PARD3B: variants seen among roughly 807,000 people sequenced by gnomAD.
PARD3B encodes the protein par-3 family cell polarity regulator beta.
A neutral mutation model predicts 130.2 loss-of-function variants in PARD3B; 103 were observed. The ratio of observed to expected loss-of-function variants is 0.79; its 90% confidence interval spans 0.67 to 0.93. The LOEUF (loss-of-function observed/expected upper bound fraction) is 0.93, where lower values mean the gene tolerates loss of function less well. PARD3B is among the 40% of genes least tolerant of loss of function. The pLI, the probability that PARD3B is intolerant of heterozygous loss-of-function variation, is 0.00. For missense variants in PARD3B, 1,609 were observed against 1,499.2 expected (o/e 1.07, Z -1.21); for synonymous variants, 583 against 553.2 (o/e 1.05, Z -0.76).
intron 18 of PARD3B, among the ~76,000 whole-genome samples, chr2:205,324,694 C>T (rs2042878344): frequency 6.6e-6 from 1 of 152,162 alleles, no homozygotes; most frequent in South Asian, 2.1e-4. Flanking sequence ...CCTAGCTATT[C>T]ATCTTATTAA....
At chr2:205,191,361 T>C (rs1433139043) in intron 14 of PARD3B, among the ~76,000 whole-genome samples, 2 of 152,140 alleles carry the variant, frequency 1.3e-5, no homozygotes, top group Admixed American at 1.3e-4. Context: ...ATGAGGAAAC[T>C]GAGGCCACTC....
intron 1 of PARD3B, among the ~76,000 whole-genome samples, chr2:204,547,363 AT>A (rs2030058066): frequency 6.6e-6 from 1 of 152,184 alleles, no homozygotes; most frequent in African/African-American, 2.4e-5. Flanking sequence ...GTCTATTAAT[AT>A]ATTAAATATA....
At chr2:205,603,376 C>T (rs142833222) in intron 22 of PARD3B, among the ~76,000 whole-genome samples, 17 of 152,246 alleles carry the variant, frequency 1.1e-4, no homozygotes, top group South Asian at 2.1e-4. Context: ...ACACTTGATC[C>T]AGATCCAAGT....
At chr2:204,934,102 T>C (rs1309648287) in intron 2 of PARD3B, among the ~76,000 whole-genome samples, 2 of 152,292 alleles carry the variant, frequency 1.3e-5, no homozygotes, top group African/African-American at 4.8e-5. Flanking sequence ...GTGACATCGA[T>C]GGGAAGGAAG....
At chr2:204,661,783 A>T (rs992192875) in intron 1 of PARD3B, among the ~76,000 whole-genome samples, 7 of 152,204 alleles carry the variant, frequency 4.6e-5, no homozygotes, top group African/African-American at 1.7e-4. Flanking sequence ...CTTTACTGAA[A>T]AAAGTATTGT....
intron 2 of PARD3B, among the ~76,000 whole-genome samples, chr2:204,771,453 T>C (rs1435932896): frequency 1.3e-5 from 2 of 152,068 alleles, no homozygotes; most frequent in Non-Finnish European, 1.5e-5. Context: ...TAGTTTGTCA[T>C]AGCACCATTT....
intron 16 of PARD3B, among the ~76,000 whole-genome samples, chr2:205,251,630 A>T (rs1462731623): frequency 6.6e-6 from 1 of 152,226 alleles, no homozygotes; most frequent in Non-Finnish European, 1.5e-5. Flanking sequence ...CTTTTATAGA[A>T]TATTAAAATT....
rs1223048574 is a variant in PARD3B, at chr2:204,967,167, A to G, written c.394+1844A>G. Among the ~76,000 whole-genome samples the G allele has an allele frequency of 1.3e-5, 2 of 152,198 alleles. No homozygotes were observed. Among genetic ancestry groups the G allele is most frequent in the African/African-American group, 2.4e-5 (1 of 41,442 alleles). ...ACTCCTTGGTCTACAATCTCATTTC[A>G]CTTAGTACCAGATTAAATGATGAGA... On this transcript the variant is annotated intron_variant, in intron 3 of 22. Coordinates refer to ENST00000406610, the MANE Select transcript of PARD3B (RefSeq NM_001302769.2). This position sits in a 1 kb window ranked among gnomAD's most constrained non-coding sequence, Gnocchi z 4.4.
In PARD3B at chr2:204,682,059, C is replaced by A. The variant is rs549761175; in HGVS notation, c.121-4122C>A. Among the ~76,000 whole-genome samples the A allele has an allele frequency of 1.2e-3, 188 of 152,208 alleles. 1 individual carries two copies. The highest frequency in any genetic ancestry group is 4.4e-3 in the African/African-American group (183 of 41,514). On this transcript the variant is annotated intron_variant, in intron 1 of 22. Transcript: ENST00000406610. ...AAGAATTTGGGGCCTTCCATTGTCACCCCCCATGTCTCTGCATTTTGACCT... is the reference window on the plus strand; with the variant it reads ...AAGAATTTGGGGCCTTCCATTGTCAACCCCCATGTCTCTGCATTTTGACCT...
intron 2 of PARD3B, among the ~76,000 whole-genome samples, chr2:204,950,041 T>A (rs73984429): frequency 0.017 from 2,602 of 152,308 alleles, 74 homozygotes; most frequent in African/African-American, 0.06. Context: ...TAGCATTAAA[T>A]GAGCAATTCC....
At position 205,158,316 on chromosome 2, in the gene PARD3B, C is replaced by T. The variant is rs934374590; in HGVS notation, c.1435-406C>T. Among the ~76,000 whole-genome samples, 1 of 152,170 alleles carries T rather than the reference C, an allele frequency of 6.6e-6. No homozygotes were observed. The highest frequency in any genetic ancestry group is 1.5e-5 in the Non-Finnish European group (1 of 68,032). Reference sequence around the variant, plus strand: ...GTTTCTACACTAAACTCTGTTCCTTCATCTGTAAAGTGAAGATGTTAAGAC... The same window carrying T: ...GTTTCTACACTAAACTCTGTTCCTTTATCTGTAAAGTGAAGATGTTAAGAC... On this transcript the variant is annotated intron_variant, in intron 10 of 22. Coordinates refer to ENST00000406610, the MANE Select transcript of PARD3B (RefSeq NM_001302769.2). The surrounding 1 kb of genome is among the most constrained non-coding windows in gnomAD (Gnocchi z 5.4).
intron 7 of PARD3B, 46 bp downstream of exon 7, chr2:205,119,092 T>C: frequency 6.4e-7 from 1 of 1,568,096 alleles, no homozygotes; most frequent in Non-Finnish European, 8.6e-7. Flanking sequence ...ATCCCTAGCA[T>C]GGTTATAAGC....
intron 18 of PARD3B, among the ~76,000 whole-genome samples, chr2:205,363,367 A>T (rs1484784856): frequency 2.6e-5 from 4 of 152,186 alleles, no homozygotes; most frequent in Admixed American, 6.5e-5. Context: ...CCAAATCCAT[A>T]GGTTTTCCAA....
chr2:204,868,170 G>A (rs1419692856), intron 2 of PARD3B, among the ~76,000 whole-genome samples: 1 of 152,112 alleles, frequency 6.6e-6, no homozygotes, highest in East Asian at 1.9e-4. Flanking sequence ...GGCCAGTCTG[G>A]GCTCTATAAA....
At chr2:204,954,024 G>A (rs992747081) in intron 2 of PARD3B, among the ~76,000 whole-genome samples, 3 of 151,968 alleles carry the variant, frequency 2.0e-5, no homozygotes, top group South Asian at 2.1e-4. Flanking sequence ...TCTTGTCTTC[G>A]GGCCCCAGTT....
At chr2:204,969,197 C>T (rs967820770) in intron 3 of PARD3B, among the ~76,000 whole-genome samples, 2 of 152,124 alleles carry the variant, frequency 1.3e-5, no homozygotes, top group African/African-American at 2.4e-5. Context: ...ATTTATAGTT[C>T]GAGAATTTTC....
chr2:205,603,313 G>T (rs551310163), intron 22 of PARD3B, among the ~76,000 whole-genome samples: 1 of 152,166 alleles, frequency 6.6e-6, no homozygotes, highest in Non-Finnish European at 1.5e-5. Context: ...TCACCAAAAA[G>T]AATGTATATT....
At chr2:204,773,965 T>G (rs2041503121) in intron 2 of PARD3B, among the ~76,000 whole-genome samples, 1 of 152,088 alleles carries the variant, frequency 6.6e-6, no homozygotes, top group Admixed American at 6.6e-5. Context: ...GCCTCATTTT[T>G]CATTCCTTTT....
At chr2:205,225,555 G>T (rs1349147775) in intron 15 of PARD3B, among the ~76,000 whole-genome samples, 1 of 152,034 alleles carries the variant, frequency 6.6e-6, no homozygotes, top group African/African-American at 2.4e-5. Context: ...CTGTTTTAAA[G>T]AACTACCTGA....
Sources: allele counts gnomAD v4.1 joint callset (sites outside exome capture counted in the v4.1 genomes callset), GRCh38; gene constraint gnomAD v4.1.1; non-coding constraint Gnocchi (gnomAD v3.1); transcripts MANE v1.5; gene names NCBI Gene and HGNC (gene_info 2026-07-23, HGNC 2026-07-21).